The following NEURL4 variants were observed in gnomAD, a reference collection of about 807,000 sequenced individuals.
NEURL4 encodes the protein neuralized-like protein 4.
A neutral mutation model predicts 148.0 loss-of-function variants in NEURL4; 45 were observed. The observed-to-expected ratio is 0.30, with a 90% CI of 0.24 to 0.39. NEURL4 has a LOEUF of 0.39. NEURL4 is among the 10% of genes least tolerant of loss of function. The pLI, the probability that NEURL4 is intolerant of heterozygous loss-of-function variation, is 1.00. For synonymous variants in NEURL4, 854 were observed against 869.0 expected (o/e 0.98, Z 0.30); for missense variants, 1,776 against 2,144.0 (o/e 0.83, Z 3.39).
rs1391432829 is a variant in NEURL4 at position 7,321,866 on chromosome 17, T to G, written c.2870A>C (p.Glu957Ala). The stretch of plus-strand genomic sequence containing the variant: ...CTCTGTCACATCACTACGGCCTACC[T>G]CAAAGACTTCCTCAGCCCTCAGCTC... The part of the protein sequence containing the change: ...TKELRAEEVF[E>A]VKVEELDEKW... The change falls in exon 17 of 29, where the codon GAG becomes GCG. Residue 957 changes from glutamate (E) to alanine (A), a missense_variant and splice_region_variant. Coordinates refer to ENST00000399464, the MANE Select transcript of NEURL4 (RefSeq NM_032442.3). This position sits in a 1 kb window ranked among gnomAD's most constrained non-coding sequence, Gnocchi z 6.3. The G allele has an allele frequency of 6.2e-7, 1 of 1,613,474 alleles. No homozygotes were observed. Among genetic ancestry groups the G allele is most frequent in the Non-Finnish European group, 8.5e-7 (1 of 1,179,702 alleles).
intron 1 of NEURL4, among the ~76,000 whole-genome samples, chr17:7,328,293 C>T (rs1229528313): frequency 6.6e-6 from 1 of 152,238 alleles, no homozygotes; most frequent in Non-Finnish European, 1.5e-5. Context: ...AATCTCCTTC[C>T]AAGTTCTTTT....
Position 7,324,754 on chromosome 17 carries a change from T to G in NEURL4, c.1813+45A>C. Reference sequence around the variant, plus strand: ...AAGTGCCAGGGCTTTGGGGATAGCTTCCCCCCAAAACCCTATCCTGTCCCT... The same window carrying G: ...AAGTGCCAGGGCTTTGGGGATAGCTGCCCCCCAAAACCCTATCCTGTCCCT... On this transcript the variant is annotated intron_variant, in intron 9 of 28. Coordinates refer to ENST00000399464, the MANE Select transcript of NEURL4 (RefSeq NM_032442.3). This position sits in a 1 kb window ranked among gnomAD's most constrained non-coding sequence, Gnocchi z 5.9. 1 of 1,598,524 alleles carries G rather than the reference T, an allele frequency of 6.3e-7. No homozygotes were observed. The highest frequency in any genetic ancestry group is 8.6e-7 in the Non-Finnish European group (1 of 1,167,316).
Position 7,321,438 on chromosome 17 carries a change from G to C in NEURL4, c.3121C>G (p.Arg1041Gly). 1.2e-6 allele frequency: 2 copies of C among 1,613,958 alleles called. No individual in the cohort carries two copies. The highest frequency in any genetic ancestry group is 1.7e-6 in the Non-Finnish European group (2 of 1,179,990). The part of the protein sequence containing the change: ...RLGVGSRVGV[R>G]RGADDTMHIL... Reference sequence around the variant, plus strand: ...TGCATCGTGTCATCTGCCCCCCGACGAACACCCACACGGCTCCCCACCTAG... The same window carrying C: ...TGCATCGTGTCATCTGCCCCCCGACCAACACCCACACGGCTCCCCACCTAG... Residue 1041 changes from arginine (R) to glycine (G), a missense_variant, in exon 19 of 29, where the codon CGT becomes GGT. Coordinates refer to ENST00000399464, the MANE Select transcript of NEURL4 (RefSeq NM_032442.3). This position sits in a 1 kb window ranked among gnomAD's most constrained non-coding sequence, Gnocchi z 6.3.
chr17:7,316,074 TC>T lies in NEURL4; in HGVS notation c.*48del, dbSNP rs2072939417. ...AGGTGGAGGCAGTCGCCACTCAGAGTCCATGGGCCCGCGGCCCGACTGTGCT... is the reference window on the plus strand; with the variant it reads ...AGGTGGAGGCAGTCGCCACTCAGAGTCATGGGCCCGCGGCCCGACTGTGCT... On this transcript the variant is annotated 3_prime_UTR_variant, in exon 29 of 29. Transcript: ENST00000399464. 1 of 983,690 alleles carries T rather than the reference TC, an allele frequency of 1.0e-6. No individual in the cohort carries two copies. Among genetic ancestry groups the T allele is most frequent in the Non-Finnish European group, 1.7e-6 (1 of 604,914 alleles). The allele number at this position is 983,690 out of a possible 1,614,324, so 60.9% of individuals were successfully genotyped here.
In NEURL4 at chr17:7,324,919, C is replaced by T; in HGVS notation, c.1693G>A (p.Val565Met). 3 of 1,614,154 alleles carry T rather than the reference C, an allele frequency of 1.9e-6. No homozygotes were observed. The change falls in exon 9 of 29, where the codon GTG becomes ATG. Residue 565 changes from valine to methionine, a missense_variant. Coordinates refer to ENST00000399464, the MANE Select transcript of NEURL4 (RefSeq NM_032442.3). This position sits in a 1 kb window ranked among gnomAD's most constrained non-coding sequence, Gnocchi z 5.9. The stretch of plus-strand genomic sequence containing the variant: ...ATCTTGTCGATGCGCACCTGGAACA[C>T]CTCTCCATCCCGCAGGGCTCTGCTG... ...LSSRALRDGE[V>M]FQVRIDKMVD...
chr17:7,326,125 G>T lies in NEURL4; in HGVS notation c.1293+130C>A. ...TTGGGCAACTCAGGCTTCTAGGAAG[G>T]AACCTTTAGGTGGAAGATACAGGGA... On this transcript the variant is annotated intron_variant, in intron 6 of 28. Coordinates refer to ENST00000399464, the MANE Select transcript of NEURL4 (RefSeq NM_032442.3). This position sits in a 1 kb window ranked among gnomAD's most constrained non-coding sequence, Gnocchi z 6.0. 1 of 840,396 alleles carries T rather than the reference G, an allele frequency of 1.2e-6. No individual in the cohort carries two copies. Among genetic ancestry groups the T allele is most frequent in the Non-Finnish European group, 1.9e-6 (1 of 522,166 alleles). The allele number at this position is 840,396 out of a possible 1,614,324, so 52.1% of individuals were successfully genotyped here.
At position 7,318,305 on chromosome 17, in the gene NEURL4, T is replaced by G; in HGVS notation, c.3916A>C (p.Thr1306Pro). ...PGAASGKSAG[T>P]QGDMEKADMV... ...TCTGCTTTCTCCATGTCCCCTTGGG[T>G]TCCAGCACTTTTCCCACTGGCAGCC... Residue 1306 changes from threonine (T) to proline (P), a missense_variant, in exon 24 of 29, where the codon ACC becomes CCC. Thr to Pro is a conservative substitution (Grantham distance 38). Transcript: ENST00000399464. The surrounding 1 kb of genome is among the most constrained non-coding windows in gnomAD (Gnocchi z 4.3). 6.2e-7 allele frequency: 1 copy of G among 1,614,010 alleles called. No homozygotes were observed. The highest frequency in any genetic ancestry group is 8.5e-7 in the Non-Finnish European group (1 of 1,179,966).
chr17:7,320,051 T>C (rs538922822), intron 21 of NEURL4, among the ~76,000 whole-genome samples: 1 of 151,992 alleles, frequency 6.6e-6, no homozygotes, highest in Non-Finnish European at 1.5e-5. Context: ...AGGATGGTCT[T>C]GATCTCCTGA....
chr17:7,327,717 C>T lies in NEURL4; in HGVS notation c.450G>A (p.Leu150=), dbSNP rs1408799641. ...RSVLEEYGQD[L]DQLGEGDRVG... ...CGCGGTCCCCTTCACCAAGCTGGTC[C>T]AGGTCCTGACCATACTCCTCCAACA... Residue 150 remains leucine, a synonymous_variant, in exon 2 of 29, where the codon CTG becomes CTA. Coordinates refer to ENST00000399464, the MANE Select transcript of NEURL4 (RefSeq NM_032442.3). The surrounding 1 kb of genome is among the most constrained non-coding windows in gnomAD (Gnocchi z 6.6). 1 of 1,614,102 alleles carries T rather than the reference C, an allele frequency of 6.2e-7. No individual in the cohort carries two copies. The highest frequency in any genetic ancestry group is 2.2e-5 in the East Asian group (1 of 44,886).
In NEURL4 at chr17:7,324,896, C is replaced by T. The variant is rs2073080491; in HGVS notation, c.1716G>A (p.Lys572=). 5.6e-6 allele frequency: 9 copies of T among 1,614,216 alleles called. No homozygotes were observed. Among genetic ancestry groups the T allele is most frequent in the Non-Finnish European group, 6.8e-6 (8 of 1,180,044 alleles). The change falls in exon 9 of 29, where the codon AAG becomes AAA. Residue 572 remains lysine, a synonymous_variant. Transcript: ENST00000399464. The surrounding 1 kb of genome is among the most constrained non-coding windows in gnomAD (Gnocchi z 5.9). The part of the protein sequence containing the change: ...DGEVFQVRID[K]MVDKWAGSIE... Reference sequence around the variant, plus strand: ...TGGAGCCAGCCCATTTGTCCACCATCTTGTCGATGCGCACCTGGAACACCT... The same window carrying T: ...TGGAGCCAGCCCATTTGTCCACCATTTTGTCGATGCGCACCTGGAACACCT...
Position 7,324,441 on chromosome 17 carries a change from C to G in NEURL4, c.1853G>C (p.Gly618Ala). 6.2e-7 allele frequency: 1 copy of G among 1,614,170 alleles called. No homozygotes were observed. The highest frequency in any genetic ancestry group is 8.5e-7 in the Non-Finnish European group (1 of 1,180,008). ...MMTGNGVMHN[G>A]TTILDEYGHN... is the part of the protein sequence containing the mutation. ...CCCGTATTCATCCAGGATGGTCGTC[C>G]CATTGTGCATCACCCCATTCCCAGT... The change falls in exon 10 of 29, where the codon GGG becomes GCG. Residue 618 changes from glycine to alanine, a missense_variant. Gly to Ala is a moderately conservative substitution (Grantham distance 60, BLOSUM62 0). Transcript: ENST00000399464. The surrounding 1 kb of genome is among the most constrained non-coding windows in gnomAD (Gnocchi z 5.9).
Position 7,326,363 on chromosome 17 carries a change from T to C in NEURL4, c.1205-20A>G, listed in dbSNP as rs767743559. On this transcript the variant is annotated intron_variant, in intron 5 of 28. Coordinates refer to ENST00000399464, the MANE Select transcript of NEURL4 (RefSeq NM_032442.3). The surrounding 1 kb of genome is among the most constrained non-coding windows in gnomAD (Gnocchi z 6.0). ...TGGTGCCTGGGTGATAGTGGACACT[T>C]GGGTTCGGGTACGGGGCTTCCTTCC... 8 of 1,614,062 alleles carry C rather than the reference T, an allele frequency of 5.0e-6. No individual in the cohort carries two copies. In the East Asian group the frequency reaches 1.1e-4, roughly 22 times the overall value.
intron 14 of NEURL4, 70 bp downstream of exon 14, chr17:7,323,415 A>G: frequency 6.5e-7 from 1 of 1,528,956 alleles, no homozygotes; most frequent in Non-Finnish European, 9.1e-7. Flanking sequence ...CCATAGGCCC[A>G]AACCTTGCTT....
Position 7,322,896 on chromosome 17 carries a change from G to A in NEURL4, c.2594-30C>T. ...GGAGGAGAGGGAAGGTCAGAAGCCTGACAGCCAGGTGGTCTGGGCTGAGGG... is the reference window on the plus strand; with the variant it reads ...GGAGGAGAGGGAAGGTCAGAAGCCTAACAGCCAGGTGGTCTGGGCTGAGGG... On this transcript the variant is annotated intron_variant, in intron 15 of 28. Transcript: ENST00000399464. The surrounding 1 kb of genome is among the most constrained non-coding windows in gnomAD (Gnocchi z 5.5). 1 of 1,611,040 alleles carries A rather than the reference G, an allele frequency of 6.2e-7. No individual in the cohort carries two copies.
Position 7,324,111 on chromosome 17 carries a change from C to T in NEURL4, c.2059G>A (p.Val687Met), listed in dbSNP as rs776258698. Residue 687 changes from valine to methionine, a missense_variant, in exon 11 of 29, where the codon GTG becomes ATG. Val to Met is a conservative substitution (Grantham distance 21). Coordinates refer to ENST00000399464, the MANE Select transcript of NEURL4 (RefSeq NM_032442.3). The surrounding 1 kb of genome is among the most constrained non-coding windows in gnomAD (Gnocchi z 5.9). The part of the protein sequence containing the change: ...QAAQATIVDD[V>M]EVAPVPEPLP... ...CCCAGCCCAGCCCGGCCCTCACCCA[C>T]GTCGTCCACAATGGTGGCCTGGGCC... is the stretch of plus-strand genomic sequence containing the variant. The T allele has an allele frequency of 2.1e-5, 34 of 1,612,604 alleles. No homozygotes were observed. Among genetic ancestry groups the T allele is most frequent in the Middle Eastern group, 1.6e-4 (1 of 6,084 alleles).
chr17:7,327,602 C>T lies in NEURL4; in HGVS notation c.565G>A (p.Val189Ile), dbSNP rs771842176. 1.2e-6 allele frequency: 2 copies of T among 1,612,368 alleles called. No homozygotes were observed. The highest frequency in any genetic ancestry group is 4.5e-5 in the East Asian group (2 of 44,882). Reference sequence around the variant, plus strand: ...CCATAAAGGTCCACGACGGCCCAGACACGAGGGGGCAGGCCTGTGGCAGCC... The same window carrying T: ...CCATAAAGGTCCACGACGGCCCAGATACGAGGGGGCAGGCCTGTGGCAGCC... Reference protein sequence around the residue: ...GVAATGLPPRVWAVVDLYGKC... With the variant: ...GVAATGLPPRIWAVVDLYGKC... The change falls in exon 2 of 29, where the codon GTC becomes ATC. Residue 189 changes from valine (V) to isoleucine (I), a missense_variant. Transcript: ENST00000399464. This position sits in a 1 kb window ranked among gnomAD's most constrained non-coding sequence, Gnocchi z 6.6.
rs768589983 is a variant in NEURL4 at position 7,327,411 on chromosome 17, C to T, written c.727+29G>A. On this transcript the variant is annotated intron_variant, in intron 2 of 28. Coordinates refer to ENST00000399464, the MANE Select transcript of NEURL4 (RefSeq NM_032442.3). This position sits in a 1 kb window ranked among gnomAD's most constrained non-coding sequence, Gnocchi z 6.6. ...TATTTCCCCCATTCCGTCCCCACCC[C>T]ACCACCACTGCCCTAGCTGTGTTCT... 1 of 1,523,360 alleles carries T rather than the reference C, an allele frequency of 6.6e-7. No individual in the cohort carries two copies. The highest frequency in any genetic ancestry group is 1.4e-5 in the African/African-American group (1 of 72,424). 94.4% of individuals were successfully genotyped at this position (1,523,360 alleles called of 1,614,324 possible). A position where few individuals can be genotyped will look rare whatever the true frequency, so the allele number is the denominator to read the frequency against.
At chr17:7,328,509 T>C (rs371347686) in intron 1 of NEURL4, among the ~76,000 whole-genome samples, 1 of 152,320 alleles carries the variant, frequency 6.6e-6, no homozygotes, top group South Asian at 2.1e-4. Context: ...GTTCAAGCCA[T>C]TCTCCTGCCT....
In NEURL4 at chr17:7,323,490, C is replaced by A; in HGVS notation, c.2412G>T (p.Met804Ile). Reference protein sequence around the residue: ...TMTDIDYDTWMLSGTAIMQDG... With the variant: ...TMTDIDYDTWILSGTAIMQDG... ...CCCAAAGCAGGAAGCCCAACCTCAG[C>A]ATCCATGTGTCATAGTCAATGTCTG... The change falls in exon 14 of 29, where the codon ATG becomes ATT. Residue 804 changes from methionine (M) to isoleucine (I), a missense_variant. By Grantham distance (10) the Met-to-Ile change is conservative. Coordinates refer to ENST00000399464, the MANE Select transcript of NEURL4 (RefSeq NM_032442.3). The A allele has an allele frequency of 6.2e-7, 1 of 1,614,206 alleles. No individual in the cohort carries two copies. Among genetic ancestry groups the A allele is most frequent in the Middle Eastern group, 1.7e-4 (1 of 6,060 alleles).
Sources: allele counts gnomAD v4.1 joint callset (sites outside exome capture counted in the v4.1 genomes callset), GRCh38; gene constraint gnomAD v4.1.1; non-coding constraint Gnocchi (gnomAD v3.1); transcripts MANE v1.5; gene names NCBI Gene and HGNC (gene_info 2026-07-23, HGNC 2026-07-21).